The following DTNA variants were observed in gnomAD, a reference collection of about 807,000 sequenced individuals.
DTNA encodes the protein dystrophin-related protein 3.
In DTNA, 43 loss-of-function variants were observed where a neutral mutation model predicts 100.7. The ratio of observed to expected loss-of-function variants is 0.43; its 90% CI spans 0.33 to 0.55. The LOEUF (loss-of-function observed/expected upper bound fraction) is 0.55. Ranked by LOEUF, DTNA falls within the 20% of genes least tolerant of loss-of-function variation. The pLI is 0.04. For synonymous variants in DTNA, 349 were observed against 347.9 expected, an observed-to-expected ratio of 1.00 and a Z score of -0.04; for missense variants, 798 against 953.9, an observed-to-expected ratio of 0.84 and a Z score of 2.15.
chr18:34,520,930 G>A (rs920731203), intron 1 of DTNA, among the ~76,000 whole-genome samples: 8 of 152,134 alleles, frequency 5.3e-5, no homozygotes, highest in African/African-American at 1.9e-4. Flanking sequence ...CCTTCCTAAA[G>A]TAACATCTTA....
At chr18:34,658,227 A>T (rs894096962) in intron 1 of DTNA, among the ~76,000 whole-genome samples, 2 of 152,220 alleles carry the variant, frequency 1.3e-5, no homozygotes, top group African/African-American at 4.8e-5. Flanking sequence ...GGGATAATTT[A>T]CTAGCAGTGA....
At chr18:34,588,375 A>C (rs756835586) in intron 1 of DTNA, among the ~76,000 whole-genome samples, 8 of 152,140 alleles carry the variant, frequency 5.3e-5, no homozygotes, top group Non-Finnish European at 1.0e-4. Flanking sequence ...CCCAGCTTAC[A>C]GTCTGCCCCC....
chr18:34,599,360 A>T (rs1251200079), intron 1 of DTNA, among the ~76,000 whole-genome samples: 1 of 152,236 alleles, frequency 6.6e-6, no homozygotes, highest in Non-Finnish European at 1.5e-5. Flanking sequence ...TAGCTCTTGA[A>T]TAATGGCTGA....
intron 1 of DTNA, among the ~76,000 whole-genome samples, chr18:34,617,371 ATTGAGATGATCTTG>A (rs1432181341): frequency 6.6e-6 from 1 of 152,182 alleles, no homozygotes; most frequent in African/African-American, 2.4e-5. Context: ...TTCTGCATCT[ATTGAGATGATCTTG>A]TGGGCTTTGT....
At chr18:34,553,825 T>C (rs1189310302) in intron 1 of DTNA, among the ~76,000 whole-genome samples, 2 of 152,204 alleles carry the variant, frequency 1.3e-5, no homozygotes, top group Non-Finnish European at 2.9e-5. Flanking sequence ...CCTCCAGCTT[T>C]GTTCTTTTGG....
intron 17 of DTNA, chr18:34,867,072 T>C: frequency 2.4e-6 from 3 of 1,230,506 alleles, no homozygotes; most frequent in Non-Finnish European, 3.0e-6. Context: ...CCACGCTATG[T>C]ATGACAATAT....
chr18:34,710,231 C>A (rs2082639767), upstream of DTNA: 1 of 152,074 alleles, frequency 6.6e-6, no homozygotes, highest in South Asian at 2.1e-4. Flanking sequence ...CAGCTGGATT[C>A]ATTGCTACCA....
intron 20 of DTNA, among the ~76,000 whole-genome samples, chr18:34,881,813 C>A (rs2096876239): frequency 2.0e-5 from 3 of 151,816 alleles, no homozygotes; most frequent in South Asian, 4.2e-4. Context: ...TTCCAGTAAA[C>A]CCTAGGAAAA....
chr18:34,890,253 G>GC lies in DTNA; in HGVS notation c.*2521dup. ...CATTGCAAGGACTCTGGAAACTGCC[G>GC]CCAATGACCAATTTCTGACTAACCA... On this transcript the variant is annotated 3_prime_UTR_variant, in exon 23 of 23. Transcript: ENST00000444659. 1 of 1,516,688 alleles carries GC rather than the reference G, an allele frequency of 6.6e-7. No individual in the cohort carries two copies. Among genetic ancestry groups the GC allele is most frequent in the Non-Finnish European group, 8.8e-7 (1 of 1,135,978 alleles). 94.0% of individuals were successfully genotyped at this position (1,516,688 alleles called of 1,614,324 possible).
chr18:34,721,242 T>A (rs1426409528), intron 1 of DTNA, among the ~76,000 whole-genome samples: 1 of 152,216 alleles, frequency 6.6e-6, no homozygotes, highest in Non-Finnish European at 1.5e-5. Flanking sequence ...CAGTGATAGC[T>A]ATTTACCTTT....
chr18:34,859,307 G>A (rs576560626), intron 16 of DTNA, among the ~76,000 whole-genome samples: 12 of 144,540 alleles, frequency 8.3e-5, no homozygotes, highest in Non-Finnish European at 1.6e-4. Flanking sequence ...AAAGAATGAA[G>A]CAACGAAAGC....
intron 1 of DTNA, among the ~76,000 whole-genome samples, chr18:34,570,983 T>C (rs1014584369): frequency 6.6e-6 from 1 of 152,222 alleles, no homozygotes; most frequent in African/African-American, 2.4e-5. Context: ...GGCACAGTAC[T>C]AAGTGCTTTG....
chr18:34,853,224 G>A (rs143652443), intron 15 of DTNA, among the ~76,000 whole-genome samples: 3 of 152,250 alleles, frequency 2.0e-5, no homozygotes, highest in African/African-American at 7.2e-5. Flanking sequence ...AATTACGTTT[G>A]CACCAACCTA....
At chr18:34,736,037 C>T (rs953789487) in intron 1 of DTNA, among the ~76,000 whole-genome samples, 2 of 152,022 alleles carry the variant, frequency 1.3e-5, no homozygotes, top group South Asian at 2.1e-4. Flanking sequence ...CAATAGTGTT[C>T]GAAATGCATA....
At position 34,685,827 on chromosome 18, in the gene DTNA, G is replaced by A. The variant is rs571068140; in HGVS notation, c.-1-70149G>A. On this transcript the variant is annotated intron_variant, in intron 1 of 19. Transcript: ENST00000283365. ...CTCTTCTTTCCTTGAGCAGTGGTTT[G>A]TAGTTCTCCTTGAAGAGGTCTTTCA... 1.5e-4 allele frequency among the ~76,000 whole-genome samples: 23 copies of A among 152,270 alleles called. No individual in the cohort carries two copies. In the South Asian group the frequency reaches 1.9e-3, roughly 12 times the overall value.
At chr18:34,710,893 A>G (rs1161273450) in intron 1 of DTNA, among the ~76,000 whole-genome samples, 3 of 151,898 alleles carry the variant, frequency 2.0e-5, no homozygotes, top group African/African-American at 7.3e-5. Flanking sequence ...CAGTAGGACA[A>G]AGTTTTCCAG....
At chr18:34,755,868 G>C (rs2092732719) in intron 1 of DTNA, 108 bp from the exon 2 acceptor site, 1 of 952,728 alleles carries the variant, frequency 1.0e-6, no homozygotes, top group African/African-American at 1.6e-5. Flanking sequence ...TTTTAAATAG[G>C]TTTTCTATGT....
intron 21 of DTNA, among the ~76,000 whole-genome samples, chr18:34,882,903 T>G (rs374169685): frequency 7.9e-5 from 12 of 152,314 alleles, no homozygotes; most frequent in Admixed American, 4.6e-4. Flanking sequence ...TCTTCCTCAT[T>G]GCCCACCTCA....
chr18:34,610,247 T>C (rs1462032211), intron 1 of DTNA, among the ~76,000 whole-genome samples: 1 of 152,174 alleles, frequency 6.6e-6, no homozygotes, highest in Non-Finnish European at 1.5e-5. Context: ...TAAGGAAGAT[T>C]TCACCTGTGA....
Sources: allele counts gnomAD v4.1 joint callset (sites outside exome capture counted in the v4.1 genomes callset), GRCh38; gene constraint gnomAD v4.1.1; transcripts MANE v1.5; gene names NCBI Gene and HGNC (gene_info 2026-07-23, HGNC 2026-07-21).